AP3B2: variants seen among roughly 807,000 people sequenced by gnomAD.
AP3B2 encodes adaptor related protein complex 3 subunit beta 2.
AP3B2 carries 50 observed loss-of-function variants against 126.9 expected under a neutral mutation model. The ratio of observed to expected loss-of-function variants is 0.39; its 90% confidence interval spans 0.31 to 0.50. The LOEUF is 0.50. AP3B2 is among the 20% of genes least tolerant of loss of function. AP3B2 has a pLI of 0.79. For synonymous variants in AP3B2, 541 were observed against 565.0 expected, an observed-to-expected ratio of 0.96 and a Z score of 0.60; for missense variants, 1,177 against 1,426.4, an observed-to-expected ratio of 0.83 and a Z score of 2.82.
intron 1 of AP3B2, among the ~76,000 whole-genome samples, chr15:82,704,859 A>T (rs2048773366): frequency 1.3e-5 from 2 of 151,842 alleles, no homozygotes; most frequent in Admixed American, 1.3e-4. Flanking sequence ...CCTTCTTTTC[A>T]AAGGCCTGTT....
intron 1 of AP3B2, among the ~76,000 whole-genome samples, chr15:82,690,282 C>G (rs2048504670): frequency 6.7e-6 from 1 of 149,570 alleles, no homozygotes; most frequent in Non-Finnish European, 1.5e-5. Context: ...CTTTTAAGTT[C>G]TAGGGTACAT....
intron 1 of AP3B2, among the ~76,000 whole-genome samples, chr15:82,708,211 TC>T (rs1215195105): frequency 6.8e-6 from 1 of 146,670 alleles, no homozygotes; most frequent in Non-Finnish European, 1.5e-5. Context: ...GCACCTTGTG[TC>T]CCCCCACCGC....
chr15:82,694,305 T>C (rs1208352974), intron 1 of AP3B2, among the ~76,000 whole-genome samples: 1 of 150,892 alleles, frequency 6.6e-6, no homozygotes, highest in African/African-American at 2.4e-5. Context: ...GTGCCAGGCC[T>C]AGGTTTAATT....
At position 82,664,899 on chromosome 15, in the gene AP3B2, C is replaced by T. The variant is rs1196728840; in HGVS notation, c.2073G>A (p.Glu691=). The part of the protein sequence containing the change: ...TKCSNREKRK[E]KEKPFYSDSE... The stretch of plus-strand genomic sequence containing the variant: ...AGTCCGAGTAGAAGGGTTTTTCCTT[C>T]TCCTTTCTCTTCTCCCGATTTGAGC... The change falls in exon 18 of 27, where the codon GAG becomes GAA. Residue 691 remains glutamate, a synonymous_variant. Transcript: ENST00000535359. The surrounding 1 kb of genome is among the most constrained non-coding windows in gnomAD (Gnocchi z 4.5). The T allele has an allele frequency of 1.2e-6, 2 of 1,608,536 alleles. No homozygotes were observed. Among genetic ancestry groups the T allele is most frequent in the South Asian group, 2.2e-5 (2 of 89,398 alleles).
At chr15:82,700,397 C>CTTTGTTTTTTTTTTTTTTT (rs2048700101) in intron 1 of AP3B2, among the ~76,000 whole-genome samples, 1 of 35,086 alleles carries the variant, frequency 2.9e-5, no homozygotes, top group African/African-American at 1.0e-4. Flanking sequence ...TGGTGGGTGG[C>CTTTGTTTTTTTTTTTTTTT]TTTTTTTTTT....
At chr15:82,669,473 C>A (rs1022011083) in intron 14 of AP3B2, among the ~76,000 whole-genome samples, 3 of 146,130 alleles carry the variant, frequency 2.1e-5, no homozygotes, top group African/African-American at 7.6e-5. Flanking sequence ...GCAGGCAGAT[C>A]GTGAGATCAA....
chr15:82,688,543 C>T (rs1010545479), intron 4 of AP3B2, 193 bp downstream of exon 4: 16 of 706,512 alleles, frequency 2.3e-5, no homozygotes, highest in Admixed American at 1.8e-4. Flanking sequence ...TCATCTCTTA[C>T]GCCCCTTCTG....
In AP3B2 at chr15:82,665,380, CACACACACACACACA is replaced by C; in HGVS notation, c.1971+62_1971+76del. On this transcript the variant is annotated intron_variant, in intron 16 of 26. Transcript: ENST00000535359. The surrounding 1 kb of genome is among the most constrained non-coding windows in gnomAD (Gnocchi z 4.4). Reference sequence around the variant, plus strand: ...TCCCTACTGTCTGCCCCCACCAACACACACACACACACACACACACACACACACACACACACACAC... The same window carrying C: ...TCCCTACTGTCTGCCCCCACCAACACCACACACACACACACACACACACAC... 2.7e-5 allele frequency: 1 copy of C among 37,466 alleles called. No individual in the cohort carries two copies. The highest frequency in any genetic ancestry group is 4.8e-5 in the Non-Finnish European group (1 of 20,890). The allele number at this position is 37,466 out of a possible 1,614,324, so 2.3% of individuals were successfully genotyped here.
Position 82,688,727 on chromosome 15 carries a change from A to G in AP3B2, c.360+9T>C. 6.2e-7 allele frequency: 1 copy of G among 1,607,428 alleles called. No individual in the cohort carries two copies. Among genetic ancestry groups the G allele is most frequent in the Non-Finnish European group, 8.5e-7 (1 of 1,177,054 alleles). ...CCCAGGCCCTGGGAGGCAAACTGAG[A>G]CCCCTGACCTTTAGGCCACGTTGGA... On this transcript the variant is annotated intron_variant, in intron 4 of 26. Transcript: ENST00000535359.
chr15:82,662,508 C>T (rs1005888407), intron 23 of AP3B2, 186 bp downstream of exon 23: 19 of 696,586 alleles, frequency 2.7e-5, no homozygotes, highest in African/African-American at 2.7e-4. Flanking sequence ...AAGCACCTCC[C>T]GCCCTGATGT....
chr15:82,709,529 G>A (rs1408629695), intron 1 of AP3B2, 65 bp downstream of exon 1: 2 of 1,236,534 alleles, frequency 1.6e-6, no homozygotes, highest in Non-Finnish European at 2.1e-6. Flanking sequence ...TGTCCATGGT[G>A]CCCGCGCGCC....
intron 2 of AP3B2, 66 bp from the exon 3 acceptor site, chr15:82,689,298 A>G: frequency 1.9e-6 from 3 of 1,611,704 alleles, no homozygotes; most frequent in Non-Finnish European, 2.5e-6. Flanking sequence ...ACTAGAGGGA[A>G]GGTCTACAAG....
At chr15:82,676,346 C>T in intron 14 of AP3B2, 115 bp downstream of exon 14, 2 of 1,142,476 alleles carry the variant, frequency 1.8e-6, no homozygotes, top group South Asian at 1.6e-5. Flanking sequence ...TTCCCTGATT[C>T]TTCTTTTCCA....
chr15:82,664,242 G>C lies in AP3B2; in HGVS notation c.2261+125C>G. On this transcript the variant is annotated intron_variant, in intron 19 of 26. Transcript: ENST00000535359. The surrounding 1 kb of genome is among the most constrained non-coding windows in gnomAD (Gnocchi z 4.5). ...AGCGAAAGTAGGCGTCATGTGAGCT[G>C]ACAGCCCCACCCAGCTCACGAGGGG... 6.8e-7 allele frequency: 1 copy of C among 1,474,008 alleles called. No individual in the cohort carries two copies. Among genetic ancestry groups the C allele is most frequent in the Non-Finnish European group, 9.2e-7 (1 of 1,087,718 alleles). The allele number at this position is 1,474,008 out of a possible 1,614,324, so 91.3% of individuals were successfully genotyped here. A position where few individuals can be genotyped will look rare whatever the true frequency, so the allele number is the denominator to read the frequency against.
chr15:82,676,721 C>T (rs775611815), intron 13 of AP3B2, 84 bp from the exon 14 acceptor site: 295 of 1,381,782 alleles, frequency 2.1e-4, no homozygotes, highest in Non-Finnish European at 2.8e-4. Flanking sequence ...AAACAGCACT[C>T]CTCATCTGTG....
At chr15:82,702,929 C>A (rs1344076086) in intron 1 of AP3B2, among the ~76,000 whole-genome samples, 1 of 152,080 alleles carries the variant, frequency 6.6e-6, no homozygotes, top group Non-Finnish European at 1.5e-5. Flanking sequence ...ATCAGGTAAG[C>A]GGCCTCTTTT....
At chr15:82,694,566 T>A (rs2048603552) in intron 1 of AP3B2, among the ~76,000 whole-genome samples, 1 of 151,918 alleles carries the variant, frequency 6.6e-6, no homozygotes, top group Non-Finnish European at 1.5e-5. Flanking sequence ...ATGCCTGTAG[T>A]CACAGCTACT....
At position 82,664,691 on chromosome 15, in the gene AP3B2, A is replaced by T; in HGVS notation, c.2137+144T>A. The T allele has an allele frequency of 1.1e-6, 1 of 896,762 alleles. No homozygotes were observed. The highest frequency in any genetic ancestry group is 1.7e-6 in the Non-Finnish European group (1 of 588,750). The allele number at this position is 896,762 out of a possible 1,614,324, so 55.6% of individuals were successfully genotyped here. ...AACCTGCACAAGCACACACACCTGG[A>T]ACATGAATCCCTCAGGTGCACAAAC... On this transcript the variant is annotated intron_variant, in intron 18 of 26. Transcript: ENST00000535359. The surrounding 1 kb of genome is among the most constrained non-coding windows in gnomAD (Gnocchi z 4.5).
At chr15:82,662,304 T>C in intron 23 of AP3B2, 52 bp from the exon 24 acceptor site, 2 of 1,399,298 alleles carry the variant, frequency 1.4e-6, no homozygotes, top group Non-Finnish European at 2.0e-6. Context: ...CATCACCTGA[T>C]AGGTCTAGAA....
Sources: gnomAD v4.1 joint callset for allele counts (sites outside exome capture counted in the v4.1 genomes callset) on GRCh38, gnomAD v4.1.1 for gene constraint, Gnocchi (gnomAD v3.1) non-coding constraint, MANE v1.5 for transcripts, NCBI Gene and HGNC (gene_info 2026-07-23, HGNC 2026-07-21) for gene names.